Variants in MLIP observed in about 807,000 individuals in gnomAD.
MLIP encodes the protein muscular LMNA-interacting protein.
MLIP carries 79 observed loss-of-function variants against 84.8 expected under a neutral mutation model. That is an observed-to-expected ratio of 0.93 (90% confidence interval 0.78 to 1.12). The LOEUF (loss-of-function observed/expected upper bound fraction) is 1.12. Ranked by LOEUF, MLIP falls within the 50% of genes most tolerant of loss-of-function variation. MLIP has a pLI of 0.00. For missense variants in MLIP, 1,257 were observed against 1,160.6 expected, an observed-to-expected ratio of 1.08 and a Z score of -1.21; for synonymous variants, 504 against 463.0, an observed-to-expected ratio of 1.09 and a Z score of -1.14.
chr6:54,202,941 T>A (rs1778795168), intron 11 of MLIP, among the ~76,000 whole-genome samples: 2 of 152,186 alleles, frequency 1.3e-5, no homozygotes, highest in Admixed American at 1.3e-4. Context: ...AGAGATGGAA[T>A]ATTTTAGATT....
At chr6:54,198,867 GGT>G (rs1476257235) in intron 10 of MLIP, among the ~76,000 whole-genome samples, 2 of 122,268 alleles carry the variant, frequency 1.6e-5, no homozygotes, top group Non-Finnish European at 3.6e-5. Flanking sequence ...GTGGTGAAGA[GGT>G]GTGTGTGTCT....
intron 1 of MLIP, among the ~76,000 whole-genome samples, chr6:54,103,529 C>G: frequency 6.6e-6 from 1 of 152,148 alleles, no homozygotes; most frequent in East Asian, 1.9e-4. Context: ...CACATCGGTG[C>G]TCTCTGATCT....
At chr6:54,217,967 C>T (rs188855089) in intron 11 of MLIP, 95 of 985,370 alleles carry the variant, frequency 9.6e-5, no homozygotes, top group African/African-American at 9.4e-4. Flanking sequence ...ACAAGTTAGA[C>T]GTGATAGAGA....
At chr6:54,044,694 T>TA (rs1489353596) in intron 1 of MLIP, among the ~76,000 whole-genome samples, 59 of 152,198 alleles carry the variant, frequency 3.9e-4, no homozygotes, top group Admixed American at 3.5e-3. Flanking sequence ...AGGTTTACTG[T>TA]AAAACCATTA....
intron 3 of MLIP, among the ~76,000 whole-genome samples, chr6:54,128,364 G>T (rs940279053): frequency 6.6e-6 from 1 of 152,068 alleles, no homozygotes; most frequent in African/African-American, 2.4e-5. Flanking sequence ...CAGGATTCAA[G>T]CCAGGAAACA....
intron 1 of MLIP, among the ~76,000 whole-genome samples, chr6:54,119,769 T>C (rs1401578144): frequency 6.6e-6 from 1 of 152,090 alleles, no homozygotes; most frequent in Non-Finnish European, 1.5e-5. Context: ...ATTCCAAGAG[T>C]ATATATATTT....
chr6:54,149,167 A>G (rs770680710), intron 5 of MLIP, 40 bp downstream of exon 5: 5 of 1,536,976 alleles, frequency 3.3e-6, no homozygotes, highest in Non-Finnish European at 4.5e-6. Flanking sequence ...TACATTTTTA[A>G]TGTGATTTTT....
chr6:54,180,737 C>T (rs578221363), intron 9 of MLIP, among the ~76,000 whole-genome samples: 2 of 152,192 alleles, frequency 1.3e-5, no homozygotes, highest in South Asian at 2.1e-4. Context: ...ATTCTAAATT[C>T]CTTCTCTGTG....
At position 54,249,232 on chromosome 6, in the gene MLIP, C is replaced by T. The variant is rs543557651; in HGVS notation, c.2923-8076C>T. Among the ~76,000 whole-genome samples the T allele has an allele frequency of 1.8e-4, 27 of 152,088 alleles. No homozygotes were observed. In the East Asian group the frequency reaches 3.7e-3, roughly 21 times the overall value. On this transcript the variant is annotated intron_variant, in intron 12 of 13. Transcript: ENST00000502396. The stretch of plus-strand genomic sequence containing the variant: ...AACTGAAACTCATCTATTTAGGGCC[C>T]AGACTTTAAAGATGAAAACCTAAAG...
chr6:54,137,068 C>A lies in MLIP; in HGVS notation c.999C>A (p.Thr333=). ...AAGTTCTCAAGAAGACAACTTTAACCTCGCATGTCCTTAGTCACGGAGAAA... is the reference window on the plus strand; with the variant it reads ...AAGTTCTCAAGAAGACAACTTTAACATCGCATGTCCTTAGTCACGGAGAAA... ...TSEVLKKTTL[T]SHVLSHGESP... The change falls in exon 4 of 14, where the codon ACC becomes ACA. Residue 333 remains threonine, a synonymous_variant. Transcript: ENST00000502396. 6.5e-7 allele frequency: 1 copy of A among 1,536,122 alleles called. No homozygotes were observed. The highest frequency in any genetic ancestry group is 8.7e-7 in the Non-Finnish European group (1 of 1,146,904).
intron 5 of MLIP, among the ~76,000 whole-genome samples, chr6:54,151,261 T>C (rs1248774865): frequency 6.6e-6 from 1 of 152,178 alleles, no homozygotes; most frequent in East Asian, 1.9e-4. Context: ...TGTAAGAATT[T>C]TAAAATATCA....
At chr6:54,027,020 C>A (rs1281867931) in intron 1 of MLIP, among the ~76,000 whole-genome samples, 2 of 152,118 alleles carry the variant, frequency 1.3e-5, no homozygotes, top group African/African-American at 4.8e-5. Flanking sequence ...TCTTTCCATA[C>A]CAAATGATGC....
intron 13 of MLIP, among the ~76,000 whole-genome samples, chr6:54,259,291 A>G (rs1471742097): frequency 2.0e-5 from 3 of 151,830 alleles, no homozygotes; most frequent in African/African-American, 7.2e-5. Flanking sequence ...AAAAATATAT[A>G]CTTTCAGAAA....
chr6:54,168,073 G>A (rs1287590473), intron 8 of MLIP, among the ~76,000 whole-genome samples: 2 of 151,784 alleles, frequency 1.3e-5, no homozygotes, highest in African/African-American at 4.8e-5. Context: ...GTTCATTGAT[G>A]TTTTTGATTA....
At chr6:54,020,792 A>G (rs950018206) in intron 1 of MLIP, among the ~76,000 whole-genome samples, 4 of 152,210 alleles carry the variant, frequency 2.6e-5, no homozygotes, top group Non-Finnish European at 4.4e-5. Context: ...GTCTAGCCTC[A>G]GATTGACTTC....
At chr6:54,249,268 A>G (rs9283919) in intron 12 of MLIP, among the ~76,000 whole-genome samples, 19,013 of 152,078 alleles carry the variant, frequency 0.13, 1,642 homozygotes, top group African/African-American at 0.24. Flanking sequence ...CCCAGACACA[A>G]AGTGATTTTC....
rs951025977 is a variant in MLIP, at chr6:54,213,512, G to A, written c.2718+11279G>A. On this transcript the variant is annotated intron_variant, in intron 11 of 13. Transcript: ENST00000502396. ...AGGTCTGGAGTTCCAAACCAGCCTGGCCAACATGGTGAAACCCCGTCTCTA... is the reference window on the plus strand; with the variant it reads ...AGGTCTGGAGTTCCAAACCAGCCTGACCAACATGGTGAAACCCCGTCTCTA... 2.0e-5 allele frequency among the ~76,000 whole-genome samples: 3 copies of A among 151,882 alleles called. No individual in the cohort carries two copies. The East Asian group carries it at 5.8e-4, about 29-fold the overall frequency.
At chr6:54,091,236 C>T (rs943332089) in intron 1 of MLIP, among the ~76,000 whole-genome samples, 1 of 152,090 alleles carries the variant, frequency 6.6e-6, no homozygotes, top group African/African-American at 2.4e-5. Context: ...ATAAATTGTA[C>T]CCGTATTTCC....
At chr6:54,215,123 G>C in intron 11 of MLIP, 1 of 1,527,664 alleles carries the variant, frequency 6.5e-7, no homozygotes, top group South Asian at 1.2e-5. Context: ...ACTAAAAGCT[G>C]TCCACTTTAC....
Sources: allele counts gnomAD v4.1 joint callset (sites outside exome capture counted in the v4.1 genomes callset), GRCh38; gene constraint gnomAD v4.1.1; transcripts MANE v1.5; gene names NCBI Gene and HGNC (gene_info 2026-07-23, HGNC 2026-07-21).